Variants in SLC7A11 observed in about 807,000 individuals in gnomAD.
The protein encoded by SLC7A11 is cystine/glutamate transporter.
In SLC7A11, 35 loss-of-function variants were observed where a neutral mutation model predicts 54.5. The ratio of observed to expected loss-of-function variants is 0.64; its 90% CI spans 0.49 to 0.85. SLC7A11 has a LOEUF of 0.85. Among genes scored for constraint, SLC7A11 ranks in the 40% least tolerant of loss-of-function variants. The pLI is 0.00. For synonymous variants in SLC7A11, 230 were observed against 225.2 expected (o/e 1.02, Z -0.19); for missense variants, 583 against 618.1 (o/e 0.94, Z 0.60).
intron 6 of SLC7A11, among the ~76,000 whole-genome samples, chr4:138,192,238 T>A (rs1320289000): frequency 6.6e-6 from 1 of 152,128 alleles, no homozygotes; most frequent in Non-Finnish European, 1.5e-5. Context: ...TCCCAGCCCC[T>A]CTTTTATCTA....
intron 7 of SLC7A11, among the ~76,000 whole-genome samples, chr4:138,184,487 A>T (rs1736827562): frequency 6.6e-6 from 1 of 152,146 alleles, no homozygotes; most frequent in Admixed American, 6.5e-5. Context: ...AGATGGTCCT[A>T]GTGTCAAATA....
intron 7 of SLC7A11, 29 bp downstream of exon 7, chr4:138,185,092 C>A: frequency 6.2e-7 from 1 of 1,611,416 alleles, no homozygotes; most frequent in South Asian, 1.1e-5. Flanking sequence ...ACCTAAATTC[C>A]AATTGGCATT....
rs1738214668 is a variant in SLC7A11 at position 138,236,603 on chromosome 4, T to C, written c.278-152A>G. On this transcript the variant is annotated intron_variant, in intron 1 of 11. Coordinates refer to ENST00000280612, the MANE Select transcript of SLC7A11 (RefSeq NM_014331.4). ...CCTTACTCAAGACAAATAACCATCATCTAATTGCTAAGACCCGCCAAGTTC... is the reference window on the plus strand; with the variant it reads ...CCTTACTCAAGACAAATAACCATCACCTAATTGCTAAGACCCGCCAAGTTC... The C allele has an allele frequency of 1.1e-5, 8 of 696,796 alleles. 1 individual carries two copies. 43.2% of individuals were successfully genotyped at this position (696,796 alleles called of 1,614,324 possible).
At position 138,212,689 on chromosome 4, in the gene SLC7A11, C is replaced by T. The variant is rs565923212; in HGVS notation, c.791+1896G>A. ...TCAGAAATTTGGGTTGAGGTAATAA[C>T]GGCATAACTAGCTTCAAGATATGCT... is the stretch of plus-strand genomic sequence containing the variant. On this transcript the variant is annotated intron_variant, in intron 6 of 11. Coordinates refer to ENST00000280612, the MANE Select transcript of SLC7A11 (RefSeq NM_014331.4). 1.1e-3 allele frequency among the ~76,000 whole-genome samples: 164 copies of T among 151,774 alleles called. 2 individuals carry two copies. Among genetic ancestry groups the T allele is most frequent in the African/African-American group, 3.6e-3 (149 of 41,454 alleles).
intron 2 of SLC7A11, among the ~76,000 whole-genome samples, chr4:138,234,968 G>A (rs1484713461): frequency 1.3e-5 from 2 of 152,034 alleles, no homozygotes; most frequent in Non-Finnish European, 2.9e-5. Context: ...TTTAATATAT[G>A]CCAAAAAAAG....
chr4:138,198,074 T>C (rs1198796317), intron 6 of SLC7A11, among the ~76,000 whole-genome samples: 1 of 151,006 alleles, frequency 6.6e-6, no homozygotes, highest in African/African-American at 2.4e-5. Context: ...CAAGAGCCTA[T>C]ATTATATCAG....
At chr4:138,181,733 A>G (rs560023478) in intron 9 of SLC7A11, among the ~76,000 whole-genome samples, 12 of 152,248 alleles carry the variant, frequency 7.9e-5, no homozygotes, top group African/African-American at 2.9e-4. Context: ...TGTAGCTCAC[A>G]TTTCACACTT....
intron 6 of SLC7A11, among the ~76,000 whole-genome samples, chr4:138,212,229 G>A (rs896069543): frequency 1.3e-5 from 2 of 151,652 alleles, no homozygotes; most frequent in African/African-American, 2.4e-5. Context: ...GCTTCAAAAT[G>A]GTGTAATTTT....
chr4:138,242,325 TGC>T lies in SLC7A11; in HGVS notation c.-258_-257del. 1 of 523,712 alleles carries T rather than the reference TGC, an allele frequency of 1.9e-6. No individual in the cohort carries two copies. The highest frequency in any genetic ancestry group is 3.4e-6 in the Non-Finnish European group (1 of 291,168). 32.4% of individuals were successfully genotyped at this position (523,712 alleles called of 1,614,324 possible). ...GTTCCACCACTGCTGCTGCTGCTGC[TGC>T]TGCCGCCCTATCATTACAAACCAGC... On this transcript the variant is annotated 5_prime_UTR_variant, in exon 1 of 12. It removes the in-frame stop codon of an upstream open reading frame in the 5' UTR. Transcript: ENST00000280612.
intron 3 of SLC7A11, among the ~76,000 whole-genome samples, chr4:138,227,497 A>T (rs1287235016): frequency 6.6e-6 from 1 of 152,200 alleles, no homozygotes; most frequent in African/African-American, 2.4e-5. Context: ...TTGTACAAAG[A>T]CTTTACATGA....
At chr4:138,236,281 T>C (rs1393294111) in intron 2 of SLC7A11, 44 bp downstream of exon 2, 16 of 1,543,450 alleles carry the variant, frequency 1.0e-5, no homozygotes, top group Non-Finnish European at 1.4e-5. Context: ...TTCATAAGAA[T>C]GAATTGGTTT....
intron 2 of SLC7A11, among the ~76,000 whole-genome samples, chr4:138,234,280 AATCTGTGTTTTAC>A (rs1738152875): frequency 6.6e-6 from 1 of 152,182 alleles, no homozygotes; most frequent in African/African-American, 2.4e-5. Context: ...CTGTCCTTGA[AATCTGTGTTTTAC>A]AGATTATTTC....
At chr4:138,174,326 C>T (rs145372107) in intron 11 of SLC7A11, 1 of 152,302 alleles carries the variant, frequency 6.6e-6, no homozygotes, top group African/African-American at 2.4e-5. Flanking sequence ...TGGTTTGGGT[C>T]CGTTATTCAG....
chr4:138,181,325 T>G (rs1736736012), intron 9 of SLC7A11, among the ~76,000 whole-genome samples: 1 of 152,028 alleles, frequency 6.6e-6, no homozygotes, highest in African/African-American at 2.4e-5. Flanking sequence ...CCTCCACATT[T>G]ACTCTCCTGG....
chr4:138,217,177 G>T (rs138059992), intron 5 of SLC7A11, among the ~76,000 whole-genome samples: 2 of 152,052 alleles, frequency 1.3e-5, no homozygotes, highest in Non-Finnish European at 2.9e-5. Context: ...ATAGAAACAC[G>T]GTTACTTATC....
chr4:138,180,809 G>A lies in SLC7A11; in HGVS notation c.1117-19C>T. On this transcript the variant is annotated intron_variant, in intron 9 of 11. Transcript: ENST00000280612. ...AAGGGTGCTGAGGGGGGAAAGGGAA[G>A]CAAGCTTGGTGAATTCAGTGAAAAC... 6.2e-7 allele frequency: 1 copy of A among 1,604,016 alleles called. No individual in the cohort carries two copies. Among genetic ancestry groups the A allele is most frequent in the Non-Finnish European group, 8.5e-7 (1 of 1,175,236 alleles).
At position 138,236,446 on chromosome 4, in the gene SLC7A11, A is replaced by G. The variant is rs757397133; in HGVS notation, c.283T>C (p.Leu95=). Residue 95 remains leucine, a synonymous_variant, in exon 2 of 12, where the codon TTG becomes CTG. Transcript: ENST00000280612. ...GTTGTTCCCAATTCAGCATAAGACAAAGCTCCTGTGAAATATTTGTCACAA... is the reference window on the plus strand; with the variant it reads ...GTTGTTCCCAATTCAGCATAAGACAGAGCTCCTGTGAAATATTTGTCACAA... ...VCGVLSLFGA[L]SYAELGTTIK... 1 of 1,603,618 alleles carries G rather than the reference A, an allele frequency of 6.2e-7. No individual in the cohort carries two copies. Among genetic ancestry groups the G allele is most frequent in the South Asian group, 1.1e-5 (1 of 88,484 alleles).
chr4:138,219,249 T>A lies in SLC7A11; in HGVS notation c.746+17A>T, dbSNP rs757113022. ...AATGAACTACGCAAACCACCAGATCTGGAGCTATCAACTTACCAGCCAGCA... is the reference window on the plus strand; with the variant it reads ...AATGAACTACGCAAACCACCAGATCAGGAGCTATCAACTTACCAGCCAGCA... On this transcript the variant is annotated intron_variant, in intron 5 of 11. Transcript: ENST00000280612. 2 of 1,424,936 alleles carry A rather than the reference T, an allele frequency of 1.4e-6. No individual in the cohort carries two copies. The highest frequency in any genetic ancestry group is 9.9e-7 in the Non-Finnish European group (1 of 1,008,540). 88.3% of individuals were successfully genotyped at this position (1,424,936 alleles called of 1,614,324 possible).
chr4:138,170,695 T>C lies in SLC7A11; in HGVS notation c.*1261A>G, dbSNP rs1314262351. ...ACAGATTCTCATTTCAATTTTCTTC[T>C]TATCAGTTGTCTCTTTTGCAAGTTG... On this transcript the variant is annotated 3_prime_UTR_variant, in exon 12 of 12. Transcript: ENST00000280612. 2.0e-5 allele frequency: 3 copies of C among 152,140 alleles called. No individual in the cohort carries two copies. In the East Asian group the frequency reaches 5.8e-4, roughly 29 times the overall value. 9.4% of individuals were successfully genotyped at this position (152,140 alleles called of 1,614,324 possible). A position where few individuals can be genotyped will look rare whatever the true frequency, so the allele number is the denominator to read the frequency against.
Sources: gnomAD v4.1 joint callset for allele counts (sites outside exome capture counted in the v4.1 genomes callset) on GRCh38, gnomAD v4.1.1 for gene constraint, MANE v1.5 for transcripts, NCBI Gene and HGNC (gene_info 2026-07-23, HGNC 2026-07-21) for gene names.